GLG1: variants seen among roughly 807,000 people sequenced by gnomAD.
The protein encoded by GLG1 is golgi glycoprotein 1.
In GLG1, 38 loss-of-function variants were observed where a neutral mutation model predicts 160.5. That is an observed-to-expected ratio of 0.24 (90% CI 0.18 to 0.31). The LOEUF is 0.31. Among genes scored for constraint, GLG1 ranks in the 10% least tolerant of loss-of-function variants. GLG1 has a pLI of 1.00. For missense variants in GLG1, 1,373 were observed against 1,505.2 expected (o/e 0.91, Z 1.45); for synonymous variants, 644 against 543.4 (o/e 1.19, Z -2.57).
intron 1 of GLG1, among the ~76,000 whole-genome samples, chr16:74,543,764 T>C (rs1306795553): frequency 6.6e-6 from 1 of 152,036 alleles, no homozygotes; most frequent in Non-Finnish European, 1.5e-5. Context: ...AATTTTCTGT[T>C]ATGAAATTAA....
At chr16:74,477,594 G>A in intron 11 of GLG1, 61 bp from the exon 12 acceptor site, 1 of 1,267,412 alleles carries the variant, frequency 7.9e-7, no homozygotes, top group Non-Finnish European at 1.1e-6. Flanking sequence ...ACAAAGATAT[G>A]AGATAAACCT....
intron 2 of GLG1, among the ~76,000 whole-genome samples, chr16:74,514,669 C>A (rs1194634371): frequency 1.3e-5 from 2 of 152,148 alleles, no homozygotes; most frequent in African/African-American, 4.8e-5. Context: ...ACAACCGGTA[C>A]CAGCCACTGC....
intron 2 of GLG1, among the ~76,000 whole-genome samples, chr16:74,527,885 CTTTTT>C (rs5817914): frequency 1.9e-5 from 2 of 104,994 alleles, no homozygotes. Flanking sequence ...GTGGTTAATT[CTTTTT>C]TTTTTTTTTT....
intron 10 of GLG1, 124 bp downstream of exon 10, chr16:74,482,899 G>A: frequency 1.5e-6 from 1 of 674,586 alleles, no homozygotes; most frequent in South Asian, 1.6e-5. Context: ...ATTGGAGTGT[G>A]TTAGCTGTCC....
chr16:74,457,664 G>T (rs554579303), intron 24 of GLG1, among the ~76,000 whole-genome samples: 2 of 152,204 alleles, frequency 1.3e-5, no homozygotes, highest in African/African-American at 4.8e-5. Context: ...TCATGACAAG[G>T]CCAGTTCAAA....
chr16:74,572,919 G>C (rs1195390510), intron 1 of GLG1, among the ~76,000 whole-genome samples: 1 of 152,148 alleles, frequency 6.6e-6, no homozygotes, highest in East Asian at 1.9e-4. Context: ...CTCTCAACCT[G>C]TGGGATCTGA....
chr16:74,585,243 A>C (rs1958022032), intron 1 of GLG1, among the ~76,000 whole-genome samples: 1 of 151,870 alleles, frequency 6.6e-6, no homozygotes, highest in African/African-American at 2.4e-5. Flanking sequence ...CCCCATCTCT[A>C]CTAAAAATAC....
intron 9 of GLG1, 87 bp downstream of exon 9, chr16:74,485,709 A>C: frequency 1.6e-6 from 2 of 1,275,200 alleles, no homozygotes; most frequent in Non-Finnish European, 2.2e-6. Context: ...AGATGTCAAC[A>C]ACCACCCAAA....
intron 1 of GLG1, among the ~76,000 whole-genome samples, chr16:74,587,261 G>A (rs1371099404): frequency 6.6e-6 from 1 of 152,194 alleles, no homozygotes; most frequent in Non-Finnish European, 1.5e-5. Flanking sequence ...TATGGAAGTG[G>A]CTTCCCGGCT....
intron 1 of GLG1, among the ~76,000 whole-genome samples, chr16:74,541,476 G>C (rs996990562): frequency 1.6e-4 from 24 of 152,132 alleles, no homozygotes; most frequent in African/African-American, 5.8e-4. Context: ...CAAAGACTTG[G>C]GTTTTGATTC....
chr16:74,506,081 ATTTTT>A lies in GLG1; in HGVS notation c.559-2340_559-2336del, dbSNP rs71376213. On this transcript the variant is annotated intron_variant, in intron 3 of 25. Coordinates refer to ENST00000422840, the MANE Select transcript of GLG1 (RefSeq NM_001145667.2). ...GCCAGGACTGTATTTCCTGGAAAAGATTTTTTTTTTTTTTTTTTTTTGCCGAACAA... is the reference window on the plus strand; with the variant it reads ...GCCAGGACTGTATTTCCTGGAAAAGATTTTTTTTTTTTTTTTGCCGAACAA... Among the ~76,000 whole-genome samples, 146 of 101,912 alleles carry A rather than the reference ATTTTT, an allele frequency of 1.4e-3. 3 individuals are homozygous for A. The Middle Eastern group carries it at 0.023, about 16-fold the overall frequency. 66.9% of individuals were successfully genotyped at this position (101,912 alleles called of 152,430 possible).
chr16:74,574,082 T>A (rs1597361813), intron 1 of GLG1, among the ~76,000 whole-genome samples: 1 of 152,162 alleles, frequency 6.6e-6, no homozygotes, highest in Non-Finnish European at 1.5e-5. Context: ...CATACACACA[T>A]ACACTTATTA....
At chr16:74,476,783 C>T (rs188939267) in intron 12 of GLG1, among the ~76,000 whole-genome samples, 6 of 152,148 alleles carry the variant, frequency 3.9e-5, no homozygotes, top group Admixed American at 2.6e-4. Context: ...ATGAACTGAA[C>T]TGAATTTTAG....
chr16:74,559,025 T>C (rs2018430815), intron 1 of GLG1, among the ~76,000 whole-genome samples: 1 of 152,044 alleles, frequency 6.6e-6, no homozygotes, highest in African/African-American at 2.4e-5. Flanking sequence ...GCTGGGACTA[T>C]AGGTGTATCC....
At chr16:74,554,701 T>A (rs1286831585) in intron 1 of GLG1, among the ~76,000 whole-genome samples, 3 of 152,202 alleles carry the variant, frequency 2.0e-5, no homozygotes, top group Non-Finnish European at 4.4e-5. Flanking sequence ...GTAAAGTGCA[T>A]GAATAAAATT....
intron 1 of GLG1, among the ~76,000 whole-genome samples, chr16:74,587,891 G>C (rs1958089043): frequency 6.6e-6 from 1 of 152,090 alleles, no homozygotes; most frequent in South Asian, 2.1e-4. Context: ...GTACACTAAA[G>C]GGTGTAAAGA....
At chr16:74,477,973 C>CAAAAAAAA (rs1319673867) in intron 11 of GLG1, among the ~76,000 whole-genome samples, 15 of 22,686 alleles carry the variant, frequency 6.6e-4, no homozygotes, top group African/African-American at 2.4e-3. Context: ...AACTCCGTCT[C>CAAAAAAAA]AAAAAAATAA....
At chr16:74,583,412 C>T (rs1038220899) in intron 1 of GLG1, among the ~76,000 whole-genome samples, 1 of 152,186 alleles carries the variant, frequency 6.6e-6, no homozygotes, top group African/African-American at 2.4e-5. Context: ...CAGAGTTTCG[C>T]TCTTGTCCCC....
In GLG1 at chr16:74,607,072, C is replaced by A. The variant is rs567707138; in HGVS notation, c.23G>T (p.Arg8Leu). 2 of 1,569,390 alleles carry A rather than the reference C, an allele frequency of 1.3e-6. No individual in the cohort carries two copies. The highest frequency in any genetic ancestry group is 1.4e-5 in the African/African-American group (1 of 74,036). ...CGCCGCCGACAAGCGGAACATCCTC[C>A]GTACACGTCCACACGCCGCCATCTT... MAACGRV[R>L]RMFRLSAALH... The change falls in exon 1 of 26, where the codon CGG becomes CTG. Residue 8 changes from arginine (R) to leucine (L), a missense_variant. By Grantham distance (102) the Arg-to-Leu change is moderately radical. Around this residue, in one of 4 missense-constraint regions of GLG1, gnomAD observed 322 missense variants for 254.6 expected, o/e 1.26. Transcript: ENST00000422840.
Sources: gnomAD v4.1 joint callset for allele counts (sites outside exome capture counted in the v4.1 genomes callset) on GRCh38, gnomAD v4.1.1 for gene constraint, gnomAD v4.1.1 regional missense constraint, MANE v1.5 for transcripts, NCBI Gene and HGNC (gene_info 2026-07-23, HGNC 2026-07-21) for gene names.